The following DLGAP2 variants were observed in gnomAD, a reference collection of about 807,000 sequenced individuals.
DLGAP2 encodes the protein DLG associated protein 2.
Under a neutral mutation model 100.3 loss-of-function variants are expected in DLGAP2, and 26 were observed. The ratio of observed to expected loss-of-function variants is 0.26; its 90% CI spans 0.19 to 0.36. The LOEUF (loss-of-function observed/expected upper bound fraction) is 0.36. DLGAP2 is among the 10% of genes least tolerant of loss of function. The pLI, the probability that DLGAP2 is intolerant of heterozygous loss-of-function variation, is 1.00. For missense variants in DLGAP2, 1,858 were observed against 1,453.2 expected (o/e 1.28, Z -4.53); for synonymous variants, 886 against 630.1 (o/e 1.41, Z -6.08).
intron 3 of DLGAP2, among the ~76,000 whole-genome samples, chr8:1,363,603 G>A (rs538992130): frequency 4.6e-5 from 7 of 152,330 alleles, no homozygotes; most frequent in Admixed American, 6.5e-5. Flanking sequence ...GCCCTGTCAG[G>A]CGACATTGGG....
chr8:893,604 C>G (rs538329840), intron 1 of DLGAP2, among the ~76,000 whole-genome samples: 1 of 152,200 alleles, frequency 6.6e-6, no homozygotes, highest in Non-Finnish European at 1.5e-5. Context: ...CCCCTCAGCC[C>G]GGAAGCTGTC....
chr8:845,815 C>G (rs1204053822), intron 1 of DLGAP2, among the ~76,000 whole-genome samples: 1 of 152,136 alleles, frequency 6.6e-6, no homozygotes, highest in Non-Finnish European at 1.5e-5. Flanking sequence ...GTCTTTGATC[C>G]ATTTTGCATT....
At chr8:1,000,945 C>A (rs781000354) in intron 2 of DLGAP2, among the ~76,000 whole-genome samples, 1 of 152,112 alleles carries the variant, frequency 6.6e-6, no homozygotes, top group Non-Finnish European at 1.5e-5. Flanking sequence ...AGGTGAAACT[C>A]CCCTCCAGGG....
intron 3 of DLGAP2, chr8:1,373,864 A>T (rs1353018506): frequency 2.0e-5 from 3 of 152,382 alleles, no homozygotes; most frequent in Middle Eastern, 3.4e-3. Flanking sequence ...ACCCGCAGAG[A>T]ATGCTCTCCA....
chr8:1,362,041 G>A (rs1042981713), intron 3 of DLGAP2, among the ~76,000 whole-genome samples: 4 of 152,180 alleles, frequency 2.6e-5, no homozygotes, highest in Non-Finnish European at 5.9e-5. Context: ...TTCGGTGTCT[G>A]GGGTTAAAGT....
chr8:1,539,383 C>T (rs1250152441), intron 4 of DLGAP2, among the ~76,000 whole-genome samples: 1 of 152,244 alleles, frequency 6.6e-6, no homozygotes, highest in Non-Finnish European at 1.5e-5. Flanking sequence ...CAGGTTACCA[C>T]GTGGTTAGCC....
intron 3 of DLGAP2, among the ~76,000 whole-genome samples, chr8:1,454,418 G>A (rs1798248024): frequency 5.9e-5 from 9 of 151,776 alleles, no homozygotes; most frequent in Admixed American, 5.9e-4. Flanking sequence ...TGAGGGCAAG[G>A]GTGTTCCTGC....
intron 2 of DLGAP2, among the ~76,000 whole-genome samples, chr8:1,200,824 T>G (rs1435570720): frequency 3.3e-5 from 5 of 152,232 alleles, no homozygotes; most frequent in Non-Finnish European, 7.3e-5. Flanking sequence ...AGTGGCAGCT[T>G]TCGCTTTGTT....
At chr8:1,211,283 G>A (rs145096128) in intron 2 of DLGAP2, among the ~76,000 whole-genome samples, 4 of 152,304 alleles carry the variant, frequency 2.6e-5, no homozygotes, top group East Asian at 3.9e-4. Flanking sequence ...CCGTGGGGAC[G>A]TTGTTAAAAG....
At chr8:1,481,279 G>C (rs113412414) in intron 3 of DLGAP2, among the ~76,000 whole-genome samples, 1 of 152,104 alleles carries the variant, frequency 6.6e-6, no homozygotes, top group Non-Finnish European at 1.5e-5. Flanking sequence ...CATGATCCAT[G>C]TACAAGGCCA....
chr8:1,305,459 C>G (rs755130796), intron 3 of DLGAP2, among the ~76,000 whole-genome samples: 3 of 152,128 alleles, frequency 2.0e-5, no homozygotes, highest in Non-Finnish European at 2.9e-5. Context: ...ATAGTCATCC[C>G]TGGGTGTCTG....
chr8:1,524,612 C>T (rs903481051), intron 4 of DLGAP2, among the ~76,000 whole-genome samples: 5 of 152,122 alleles, frequency 3.3e-5, no homozygotes, highest in African/African-American at 7.2e-5. Context: ...TCCCTCCGTG[C>T]GTTTTTGTGT....
At chr8:1,214,941 A>G (rs1365706089) in intron 2 of DLGAP2, among the ~76,000 whole-genome samples, 1 of 152,226 alleles carries the variant, frequency 6.6e-6, no homozygotes, top group Non-Finnish European at 1.5e-5. Context: ...AACACACTAG[A>G]ACATGCGTTT....
rs113475317 is a variant in DLGAP2, at chr8:1,039,618, C to T, written c.73+131652C>T. ...GTCAGCTTGGTGTGCGTGGTCAGCT[C>T]GGTGTGCGTGGTCAGCTCGGTGTGC... On this transcript the variant is annotated intron_variant, in intron 2 of 14. Transcript: ENST00000637795. 4.0e-4 allele frequency among the ~76,000 whole-genome samples: 16 copies of T among 40,410 alleles called. 1 individual carries two copies. The highest frequency in any genetic ancestry group is 5.4e-4 in the African/African-American group (4 of 7,388). The allele number at this position is 40,410 out of a possible 152,430, so 26.5% of individuals were successfully genotyped here.
At chr8:1,646,521 T>C (rs1295706309) in intron 8 of DLGAP2, among the ~76,000 whole-genome samples, 1 of 152,226 alleles carries the variant, frequency 6.6e-6, no homozygotes, top group African/African-American at 2.4e-5. Context: ...TTAAAGGGTA[T>C]TTTTTCAGGT....
At chr8:1,503,937 C>T (rs1799811665) in intron 4 of DLGAP2, among the ~76,000 whole-genome samples, 1 of 152,068 alleles carries the variant, frequency 6.6e-6, no homozygotes, top group Non-Finnish European at 1.5e-5. Flanking sequence ...TCTGGTGAGC[C>T]CAGGGACCTG....
chr8:794,229 T>A (rs1260845931), intron 1 of DLGAP2, among the ~76,000 whole-genome samples: 1 of 152,038 alleles, frequency 6.6e-6, no homozygotes, highest in Non-Finnish European at 1.5e-5. Context: ...ATGGGGTCCC[T>A]GGTGGTGTGA....
chr8:1,040,883 C>T (rs539476067), intron 2 of DLGAP2, among the ~76,000 whole-genome samples: 15 of 152,312 alleles, frequency 9.8e-5, no homozygotes, highest in Non-Finnish European at 1.5e-5. Flanking sequence ...CCTCAGCACG[C>T]ACCCTCATTC....
At chr8:1,524,222 G>A (rs544554829) in intron 4 of DLGAP2, among the ~76,000 whole-genome samples, 1 of 152,240 alleles carries the variant, frequency 6.6e-6, no homozygotes, top group African/African-American at 2.4e-5. Context: ...GAGCCCATCT[G>A]AGAGGCCGGC....
Sources: allele counts gnomAD v4.1 joint callset (sites outside exome capture counted in the v4.1 genomes callset), GRCh38; gene constraint gnomAD v4.1.1; transcripts MANE v1.5; gene names NCBI Gene and HGNC (gene_info 2026-07-23, HGNC 2026-07-21).